ITGA2: variants seen among roughly 807,000 people sequenced by gnomAD.
ITGA2 encodes integrin alpha-2.
A neutral mutation model predicts 146.3 loss-of-function variants in ITGA2; 101 were observed. That is an observed-to-expected ratio of 0.69 (90% CI 0.59 to 0.81). The LOEUF is 0.81. Ranked by LOEUF, ITGA2 falls within the 40% of genes least tolerant of loss-of-function variation. The pLI is 0.00. For missense variants in ITGA2, 1,281 were observed against 1,402.7 expected (o/e 0.91, Z 1.39); for synonymous variants, 477 against 487.1 (o/e 0.98, Z 0.27).
intron 2 of ITGA2, among the ~76,000 whole-genome samples, chr5:53,027,918 T>G (rs1035787314): frequency 6.6e-6 from 1 of 152,008 alleles, no homozygotes; most frequent in Non-Finnish European, 1.5e-5. Flanking sequence ...TCATCTCTAT[T>G]AAAAACCTGA....
chr5:53,038,964 A>C (rs777397730), intron 2 of ITGA2, among the ~76,000 whole-genome samples: 5 of 152,154 alleles, frequency 3.3e-5, no homozygotes, highest in Non-Finnish European at 7.4e-5. Context: ...ATAGTGGTAC[A>C]TGTCTATAAT....
In ITGA2 at chr5:53,056,014, G is replaced by A; in HGVS notation, c.961G>A (p.Asp321Asn). ...VLGYLNRNAL[D>N]TKNLIKEIKA... ...TGGGTACTTAAACAGAAACGCCCTTGATACTAAAAATTTAATAAAAGAAAT... is the reference window on the plus strand; with the variant it reads ...TGGGTACTTAAACAGAAACGCCCTTAATACTAAAAATTTAATAAAAGAAAT... Residue 321 changes from aspartate (D) to asparagine (N), a missense_variant, in exon 9 of 30, where the codon GAT becomes AAT. By Grantham distance (23) the Asp-to-Asn change is conservative (BLOSUM62 1). Around this residue, in one of 3 missense-constraint regions of ITGA2, gnomAD observed 795 missense variants for 841.7 expected, o/e 0.94. Transcript: ENST00000296585. 6.2e-7 allele frequency: 1 copy of A among 1,609,186 alleles called. No homozygotes were observed. Among genetic ancestry groups the A allele is most frequent in the Non-Finnish European group, 8.5e-7 (1 of 1,178,032 alleles).
At chr5:53,042,320 A>G in intron 3 of ITGA2, 99 bp downstream of exon 3, 1 of 867,036 alleles carries the variant, frequency 1.2e-6, no homozygotes. Context: ...AAATACAGAC[A>G]GCTTTTTTTT....
intron 6 of ITGA2, among the ~76,000 whole-genome samples, chr5:53,050,065 G>C (rs1029108329): frequency 2.6e-5 from 4 of 152,114 alleles, no homozygotes; most frequent in African/African-American, 9.7e-5. Context: ...TATAGCACTG[G>C]TTTCCAGAAA....
intron 17 of ITGA2, among the ~76,000 whole-genome samples, chr5:53,071,697 AT>A (rs2111994980): frequency 6.6e-6 from 1 of 152,068 alleles, no homozygotes; most frequent in East Asian, 1.9e-4. Context: ...CCTGCTTCAA[AT>A]TCTTACTAGA....
chr5:52,998,717 T>C (rs1319536517), intron 1 of ITGA2, among the ~76,000 whole-genome samples: 1 of 152,196 alleles, frequency 6.6e-6, no homozygotes, highest in Non-Finnish European at 1.5e-5. Flanking sequence ...AACTTGGCTA[T>C]AGTTCTTACT....
At chr5:53,077,055 C>A (rs1453898315) in intron 23 of ITGA2, among the ~76,000 whole-genome samples, 1 of 149,136 alleles carries the variant, frequency 6.7e-6, no homozygotes, top group East Asian at 1.9e-4. Context: ...TATATACACA[C>A]ACATGTGCAC....
At chr5:53,040,124 C>A (rs1743715199) in intron 2 of ITGA2, among the ~76,000 whole-genome samples, 1 of 151,848 alleles carries the variant, frequency 6.6e-6, no homozygotes, top group Non-Finnish European at 1.5e-5. Context: ...CATTGCCAGG[C>A]AAGAAACAGC....
In ITGA2 at chr5:53,093,440, G is replaced by GGCTGTCCTGTACCTTGTAGGACA. The variant is rs1740536203; in HGVS notation, c.*2844_*2866dup. 1 of 152,024 alleles carries GGCTGTCCTGTACCTTGTAGGACA rather than the reference G, an allele frequency of 6.6e-6. No individual in the cohort carries two copies. The highest frequency in any genetic ancestry group is 1.5e-5 in the Non-Finnish European group (1 of 68,046). 9.4% of individuals were successfully genotyped at this position (152,024 alleles called of 1,614,324 possible). ...GGGCCAGGTGATTCTTCCTTGCAGGGGCTGTCCTGTACCTTGTAGGACAGC... is the reference window on the plus strand; with the variant it reads ...GGGCCAGGTGATTCTTCCTTGCAGGGGCTGTCCTGTACCTTGTAGGACAGCTGTCCTGTACCTTGTAGGACAGC... On this transcript the variant is annotated 3_prime_UTR_variant, in exon 30 of 30. Coordinates refer to ENST00000296585, the MANE Select transcript of ITGA2 (RefSeq NM_002203.4).
rs1357196502 is a variant in ITGA2 at position 53,065,903 on chromosome 5, T to C, written c.1869T>C (p.Asp623=). The change falls in exon 15 of 30, where the codon GAT becomes GAC. Residue 623 remains aspartate (D), a synonymous_variant. Coordinates refer to ENST00000296585, the MANE Select transcript of ITGA2 (RefSeq NM_002203.4). ...TCCAGTACTTTGGGAGGTCCTTGGA[T>C]GGCTATGGAGATTTAAATGGGGATT... ...SHLQYFGRSL[D]GYGDLNGDSI... 2 of 1,612,114 alleles carry C rather than the reference T, an allele frequency of 1.2e-6. No homozygotes were observed. The highest frequency in any genetic ancestry group is 1.3e-5 in the African/African-American group (1 of 74,766).
Position 52,994,447 on chromosome 5 carries a change from C to T in ITGA2, c.64+4915C>T, listed in dbSNP as rs73754089. On this transcript the variant is annotated intron_variant, in intron 1 of 29. Transcript: ENST00000296585. Reference sequence around the variant, plus strand: ...GCATCTGGGCTGTGTCTGATTTAGCCATGGGCATGTAATGCAAGGTTGACC... The same window carrying T: ...GCATCTGGGCTGTGTCTGATTTAGCTATGGGCATGTAATGCAAGGTTGACC... 9.5e-3 allele frequency among the ~76,000 whole-genome samples: 1,454 copies of T among 152,306 alleles called. 21 individuals carry two copies. Among genetic ancestry groups the T allele is most frequent in the African/African-American group, 0.033 (1,366 of 41,564 alleles).
intron 1 of ITGA2, among the ~76,000 whole-genome samples, chr5:53,010,551 A>G (rs1012394937): frequency 1.3e-5 from 2 of 152,182 alleles, no homozygotes; most frequent in African/African-American, 4.8e-5. Flanking sequence ...ATTTTGCCCC[A>G]GGACAGATCA....
intron 23 of ITGA2, among the ~76,000 whole-genome samples, chr5:53,076,363 A>C (rs757259090): frequency 6.6e-6 from 1 of 152,060 alleles, no homozygotes; most frequent in Non-Finnish European, 1.5e-5. Context: ...GAGCAAAAAC[A>C]AAAAGGAAAA....
In ITGA2 at chr5:53,058,092, T is replaced by A. The variant is rs149911770; in HGVS notation, c.1164T>A (p.Ser388=). ...MSQVGFSADY[S]SQNDILMLGA... ...AAGTGGGATTCAGTGCAGATTACTC[T>A]TCTCAAAATGTGCGTATATCAGATA... Residue 388 remains serine, a synonymous_variant, in exon 10 of 30, where the codon TCT becomes TCA. Transcript: ENST00000296585. The A allele has an allele frequency of 8.4e-5, 136 of 1,609,904 alleles. No individual in the cohort carries two copies. Among genetic ancestry groups the A allele is most frequent in the Non-Finnish European group, 9.5e-5 (112 of 1,176,868 alleles).
chr5:53,055,741 T>G, intron 8 of ITGA2, 53 bp downstream of exon 8: 1 of 1,594,998 alleles, frequency 6.3e-7, no homozygotes, highest in Non-Finnish European at 8.6e-7. Flanking sequence ...AATCTTTCTT[T>G]ATAGCATCAC....
rs545538250 is a variant in ITGA2, at chr5:53,024,084, A to G, written c.65-2664A>G. On this transcript the variant is annotated intron_variant, in intron 1 of 29. Transcript: ENST00000296585. ...AAATTCTGGACAATAAAGTTGAGAGATGAGCCAAACCTAGACTCAGAGTGG... is the reference window on the plus strand; with the variant it reads ...AAATTCTGGACAATAAAGTTGAGAGGTGAGCCAAACCTAGACTCAGAGTGG... Among the ~76,000 whole-genome samples, 24 of 152,332 alleles carry G rather than the reference A, an allele frequency of 1.6e-4. No individual in the cohort carries two copies. In the South Asian group the frequency reaches 4.4e-3, roughly 28 times the overall value.
At chr5:53,071,451 A>G (rs1461299970) in intron 17 of ITGA2, among the ~76,000 whole-genome samples, 1 of 151,838 alleles carries the variant, frequency 6.6e-6, no homozygotes, top group East Asian at 2.0e-4. Context: ...CAGCCAGCCA[A>G]GGAAACATCT....
chr5:53,057,947 C>G (rs569686573), intron 9 of ITGA2, 78 bp from the exon 10 acceptor site: 1 of 975,992 alleles, frequency 1.0e-6, no homozygotes, highest in East Asian at 2.5e-5. Context: ...CATGTGTGTA[C>G]ATACGTGCCT....
intron 4 of ITGA2, among the ~76,000 whole-genome samples, chr5:53,045,918 C>T (rs1312394984): frequency 2.6e-5 from 4 of 151,758 alleles, no homozygotes; most frequent in African/African-American, 4.8e-5. Flanking sequence ...AGGTTGGGCG[C>T]GGTGGCTCAT....
Sources: allele counts gnomAD v4.1 joint callset (sites outside exome capture counted in the v4.1 genomes callset), GRCh38; gene constraint gnomAD v4.1.1; regional missense constraint gnomAD v4.1.1; transcripts MANE v1.5; gene names NCBI Gene and HGNC (gene_info 2026-07-23, HGNC 2026-07-21).